Variants in ZFHX3 observed in about 807,000 individuals in gnomAD.
ZFHX3 encodes the protein zinc finger homeobox protein 3.
ZFHX3 carries 42 observed loss-of-function variants against 279.1 expected under a neutral mutation model. The ratio of observed to expected loss-of-function variants is 0.15; its 90% CI spans 0.12 to 0.19. The LOEUF is 0.19. Among genes scored for constraint, ZFHX3 ranks in the 10% least tolerant of loss-of-function variants. The pLI, the probability that ZFHX3 is intolerant of heterozygous loss-of-function variation, is 1.00. For missense variants in ZFHX3, 4,981 were observed against 4,754.0 expected (o/e 1.05, Z -1.40); for synonymous variants, 2,293 against 1,957.8 (o/e 1.17, Z -4.52).
intron 3 of ZFHX3, among the ~76,000 whole-genome samples, chr16:73,366,100 A>C (rs1025542709): frequency 1.3e-5 from 2 of 152,246 alleles, no homozygotes; most frequent in Non-Finnish European, 2.9e-5. Context: ...AAATTAAATA[A>C]AGGCAAGTGA....
At chr16:73,616,043 G>A (rs2052298000) in intron 2 of ZFHX3, among the ~76,000 whole-genome samples, 1 of 152,056 alleles carries the variant, frequency 6.6e-6, no homozygotes, top group African/African-American at 2.4e-5. Flanking sequence ...AGATTAGAAT[G>A]TTTGGATTGA....
At chr16:73,130,518 G>A (rs1291365484) in intron 7 of ZFHX3, among the ~76,000 whole-genome samples, 1 of 152,266 alleles carries the variant, frequency 6.6e-6, no homozygotes, top group Non-Finnish European at 1.5e-5. Context: ...CGTGGAGCCA[G>A]AGACTGGGTT....
At chr16:73,491,076 C>T (rs758290012) in intron 2 of ZFHX3, among the ~76,000 whole-genome samples, 1 of 152,180 alleles carries the variant, frequency 6.6e-6, no homozygotes, top group Non-Finnish European at 1.5e-5. Context: ...CTGCTTTTTA[C>T]ACTAATGAGA....
At chr16:73,365,946 A>T (rs2016522134) in intron 3 of ZFHX3, among the ~76,000 whole-genome samples, 1 of 152,220 alleles carries the variant, frequency 6.6e-6, no homozygotes, top group Non-Finnish European at 1.5e-5. Context: ...AAAAGGGAAG[A>T]GTCCAGGAAA....
chr16:73,784,429 G>A (rs901857196), intron 1 of ZFHX3, among the ~76,000 whole-genome samples: 3 of 152,014 alleles, frequency 2.0e-5, no homozygotes, highest in African/African-American at 7.2e-5. Flanking sequence ...AAGAAAGACA[G>A]ATGCTGTCTT....
chr16:73,094,897 T>C (rs527971611), intron 7 of ZFHX3, among the ~76,000 whole-genome samples: 1 of 152,090 alleles, frequency 6.6e-6, no homozygotes, highest in South Asian at 2.1e-4. Flanking sequence ...TTTATAGAGA[T>C]AGGGTTTTCC....
chr16:73,513,194 C>A (rs1189042373), intron 2 of ZFHX3, among the ~76,000 whole-genome samples: 1 of 152,066 alleles, frequency 6.6e-6, no homozygotes, highest in Non-Finnish European at 1.5e-5. Context: ...AAAAGGAGTC[C>A]CTGGTGTGAA....
intron 4 of ZFHX3, among the ~76,000 whole-genome samples, chr16:73,283,504 C>T (rs72797368): frequency 3.6e-4 from 55 of 152,208 alleles, no homozygotes; most frequent in Middle Eastern, 3.4e-3. Context: ...TCTCCAGGCC[C>T]GCTACTGGGG....
intron 2 of ZFHX3, among the ~76,000 whole-genome samples, chr16:73,527,464 C>A (rs574236979): frequency 1.3e-5 from 2 of 152,284 alleles, no homozygotes; most frequent in South Asian, 4.1e-4. Flanking sequence ...TGGGGACCTA[C>A]TGTAGTTGAC....
At chr16:72,906,015 G>A (rs528243216) in intron 3 of ZFHX3, among the ~76,000 whole-genome samples, 92 of 151,994 alleles carry the variant, frequency 6.1e-4, no homozygotes, top group African/African-American at 2.1e-3. Flanking sequence ...CTCTACATGG[G>A]GTCAGAGTTG....
At chr16:72,945,687 T>C (rs1960631398) in intron 3 of ZFHX3, among the ~76,000 whole-genome samples, 1 of 152,006 alleles carries the variant, frequency 6.6e-6, no homozygotes, top group Admixed American at 6.6e-5. Context: ...AATAGTCTAA[T>C]AATGAGAAAA....
In ZFHX3 at chr16:73,387,501, GT is replaced by G. The variant is rs1279366875; in HGVS notation, c.-1291+68501del. On this transcript the variant is annotated intron_variant, in intron 3 of 17. Coordinates refer to the ZFHX3 transcript ENST00000641206. The stretch of plus-strand genomic sequence containing the variant: ...GTTCACTCCCCAAGTCTGTGGCAGG[GT>G]TTTTTTGTTTTTTTGTTTTTTGTTT... Among the ~76,000 whole-genome samples the G allele has an allele frequency of 4.0e-5, 6 of 151,870 alleles. 1 individual carries two copies. The highest frequency in any genetic ancestry group is 2.6e-4 in the Admixed American group (4 of 15,250).
chr16:73,378,763 A>C (rs1266788767), intron 3 of ZFHX3, among the ~76,000 whole-genome samples: 2 of 151,962 alleles, frequency 1.3e-5, no homozygotes, highest in Admixed American at 6.5e-5. Context: ...CATTGCTCTC[A>C]TCTCAGAATT....
intron 3 of ZFHX3, among the ~76,000 whole-genome samples, chr16:73,349,062 A>T (rs1417946832): frequency 6.6e-6 from 1 of 152,232 alleles, no homozygotes; most frequent in African/African-American, 2.4e-5. Context: ...ATCAATTAAT[A>T]ACAGATCAAA....
chr16:72,920,562 G>A (rs902300900), intron 3 of ZFHX3, among the ~76,000 whole-genome samples: 2 of 151,774 alleles, frequency 1.3e-5, no homozygotes, highest in African/African-American at 2.4e-5. Context: ...GGTGGTAAGC[G>A]CCTGTAATCC....
At chr16:73,105,233 C>T (rs1468895620) in intron 7 of ZFHX3, among the ~76,000 whole-genome samples, 2 of 150,364 alleles carry the variant, frequency 1.3e-5, no homozygotes, top group Non-Finnish European at 2.9e-5. Context: ...CAGCGAGACA[C>T]TGTCTCTAAT....
intron 1 of ZFHX3, among the ~76,000 whole-genome samples, chr16:73,018,785 C>G (rs995345498): frequency 6.6e-6 from 1 of 152,144 alleles, no homozygotes; most frequent in African/African-American, 2.4e-5. Flanking sequence ...AACTGGCTGT[C>G]AGTTTCCTCA....
At chr16:73,782,854 C>T (rs1376368693) in intron 1 of ZFHX3, among the ~76,000 whole-genome samples, 1 of 152,224 alleles carries the variant, frequency 6.6e-6, no homozygotes, top group Non-Finnish European at 1.5e-5. Flanking sequence ...GAAATATGCA[C>T]TGTTTCTTAG....
intron 5 of ZFHX3, among the ~76,000 whole-genome samples, chr16:73,219,124 T>C (rs979022987): frequency 9.9e-5 from 15 of 152,242 alleles, no homozygotes; most frequent in African/African-American, 3.4e-4. Flanking sequence ...GTATCAGAAC[T>C]TCATATTTTA....
Sources: allele counts gnomAD v4.1 joint callset (sites outside exome capture counted in the v4.1 genomes callset), GRCh38; gene constraint gnomAD v4.1.1; transcripts MANE v1.5; gene names NCBI Gene and HGNC (gene_info 2026-07-23, HGNC 2026-07-21).